Variants in GORAB observed in about 807,000 individuals in gnomAD.
GORAB encodes RAB6-interacting golgin.
Under a neutral mutation model 29.9 loss-of-function variants are expected in GORAB, and 17 were observed. The ratio of observed to expected loss-of-function variants is 0.57; its 90% CI spans 0.39 to 0.85. The LOEUF is 0.85. GORAB is among the 40% of genes least tolerant of loss of function. The pLI is 0.00. For synonymous variants in GORAB, 183 were observed against 157.2 expected, an observed-to-expected ratio of 1.16 and a Z score of -1.23; for missense variants, 442 against 437.8, an observed-to-expected ratio of 1.01 and a Z score of -0.09.
intron 3 of GORAB, among the ~76,000 whole-genome samples, chr1:170,544,256 C>G (rs1261593394): frequency 6.6e-6 from 1 of 152,120 alleles, no homozygotes; most frequent in Admixed American, 6.5e-5. Context: ...AGTGGATGTT[C>G]TCAGATATAT....
intron 4 of GORAB, chr1:170,545,305 C>G: frequency 2.0e-6 from 2 of 980,230 alleles, no homozygotes; most frequent in Non-Finnish European, 2.4e-6. Flanking sequence ...GTAAGAGGAT[C>G]TAGTTTAGTT....
At chr1:170,539,736 A>G (rs919613820) in intron 2 of GORAB, 169 bp downstream of exon 2, 2 of 691,604 alleles carry the variant, frequency 2.9e-6, no homozygotes, top group South Asian at 2.0e-5. Flanking sequence ...CTGCCTAAAT[A>G]TAAGCTGGAC....
rs1650148271 is a variant in GORAB at position 170,552,065 on chromosome 1, T to C, written c.713T>C (p.Ile238Thr). 6 of 1,613,912 alleles carry C rather than the reference T, an allele frequency of 3.7e-6. No homozygotes were observed. The highest frequency in any genetic ancestry group is 1.6e-4 in the Middle Eastern group (1 of 6,082). The change falls in exon 5 of 5, where the codon ATA becomes ACA. Residue 238 changes from isoleucine to threonine, a missense_variant. Transcript: ENST00000367763. ...EAEYIAAKLD[I>T]QRKTEIKEQL... ...GAGTACATTGCAGCAAAGCTAGATA[T>C]ACAGCGCAAGACTGAGATAAAAGAG...
In GORAB at chr1:170,552,404, T is replaced by G. The variant is rs1313490606; in HGVS notation, c.1052T>G (p.Leu351Arg). ...QCGNSSSIPF[L>R]SPNCPNQEGN... ...GGAAATTCCAGTAGCATCCCCTTTC[T>G]TAGTCCAAACTGCCCAAATCAAGAA... The change falls in exon 5 of 5, where the codon CTT becomes CGT. Residue 351 changes from leucine (L) to arginine (R), a missense_variant. By Grantham distance (102) the Leu-to-Arg change is moderately radical. Transcript: ENST00000367763. The G allele has an allele frequency of 8.1e-6, 13 of 1,614,082 alleles. No individual in the cohort carries two copies. The highest frequency in any genetic ancestry group is 2.2e-5 in the East Asian group (1 of 44,880).
chr1:170,541,385 A>G (rs1373685870), intron 2 of GORAB, among the ~76,000 whole-genome samples: 3 of 152,062 alleles, frequency 2.0e-5, no homozygotes, highest in African/African-American at 7.2e-5. Context: ...GGCCGCAATC[A>G]AAATAAAGGT....
At position 170,537,098 on chromosome 1, in the gene GORAB, CCTTT is replaced by C. The variant is rs1649107648; in HGVS notation, c.62-2106_62-2103del. 3.3e-5 allele frequency among the ~76,000 whole-genome samples: 5 copies of C among 152,180 alleles called. No homozygotes were observed. In the South Asian group the frequency reaches 1.0e-3, roughly 32 times the overall value. On this transcript the variant is annotated intron_variant, in intron 1 of 4. Coordinates refer to ENST00000367763, the MANE Select transcript of GORAB (RefSeq NM_152281.3). ...TCCCTCCTTTCTTCCTGCCTGCCTT[CCTTT>C]CTTTCCCTTCTTCCCTCCCTCCCTC...
rs1339574311 is a variant in GORAB at position 170,532,197 on chromosome 1, T to G, written c.-27T>G. ...AGTCGCGGCTGCGAGATTTGGGCAC[T>G]TTTGGGGGTGCCGGTGGCCCGGGCC... is the stretch of plus-strand genomic sequence containing the variant. On this transcript the variant is annotated 5_prime_UTR_variant, in exon 1 of 5. Transcript: ENST00000367763. 1.9e-6 allele frequency: 3 copies of G among 1,613,852 alleles called. No homozygotes were observed. The South Asian group carries it at 3.3e-5, about 18-fold the overall frequency.
chr1:170,547,640 G>A (rs184093917), intron 4 of GORAB, among the ~76,000 whole-genome samples: 202 of 152,264 alleles, frequency 1.3e-3, no homozygotes, highest in African/African-American at 4.8e-3. Context: ...ATCACTTTAT[G>A]AGTAATTTTT....
chr1:170,536,412 A>T (rs1419657566), intron 1 of GORAB: 1 of 152,210 alleles, frequency 6.6e-6, no homozygotes, highest in Non-Finnish European at 1.5e-5. Context: ...CAAATCAAGA[A>T]TACAGTGAGG....
intron 3 of GORAB, 75 bp downstream of exon 3, chr1:170,542,667 T>G (rs1649510352): frequency 1.0e-6 from 1 of 981,982 alleles, no homozygotes; most frequent in Admixed American, 1.7e-5. Context: ...TGTTTTCCCA[T>G]GTCTCTTTTA....
intron 1 of GORAB, among the ~76,000 whole-genome samples, chr1:170,537,355 C>T (rs1649124769): frequency 6.6e-6 from 1 of 152,100 alleles, no homozygotes; most frequent in Non-Finnish European, 1.5e-5. Flanking sequence ...CCTGACCTCT[C>T]TCTTCTCCTT....
At position 170,553,682 on chromosome 1, in the gene GORAB, A is replaced by C; in HGVS notation, c.*1220A>C. The stretch of plus-strand genomic sequence containing the variant: ...TGAGCTTTATATTTTTATATTATGT[A>C]ATTTGAGTTGAAAGTATAACATTTT... On this transcript the variant is annotated 3_prime_UTR_variant, in exon 5 of 5. Coordinates refer to ENST00000367763, the MANE Select transcript of GORAB (RefSeq NM_152281.3). 1 of 450,136 alleles carries C rather than the reference A, an allele frequency of 2.2e-6. No homozygotes were observed. 27.9% of individuals were successfully genotyped at this position (450,136 alleles called of 1,614,324 possible).
chr1:170,543,970 T>C (rs543557540), intron 3 of GORAB, among the ~76,000 whole-genome samples: 20 of 152,312 alleles, frequency 1.3e-4, no homozygotes, highest in Non-Finnish European at 2.5e-4. Flanking sequence ...ATGTGGGGAT[T>C]TTTCTTCTTC....
At chr1:170,547,829 A>G (rs1325326585) in intron 4 of GORAB, among the ~76,000 whole-genome samples, 2 of 152,212 alleles carry the variant, frequency 1.3e-5, no homozygotes, top group Non-Finnish European at 1.5e-5. Flanking sequence ...TATTGGGTGT[A>G]TGTTCTCCCT....
At chr1:170,534,280 C>G (rs1284640690) in intron 1 of GORAB, among the ~76,000 whole-genome samples, 5 of 152,154 alleles carry the variant, frequency 3.3e-5, no homozygotes, top group African/African-American at 7.2e-5. Context: ...TGTAGTTACA[C>G]TTGGCCCTTG....
chr1:170,546,263 G>A (rs1410746438), intron 4 of GORAB, among the ~76,000 whole-genome samples: 4 of 151,978 alleles, frequency 2.6e-5, no homozygotes, highest in Non-Finnish European at 4.4e-5. Flanking sequence ...GGTGGTGGGC[G>A]CCTATAGTCC....
chr1:170,532,551 G>A, intron 1 of GORAB: 1 of 452,618 alleles, frequency 2.2e-6, no homozygotes, highest in Non-Finnish European at 4.1e-6. Flanking sequence ...AAAGGAATGG[G>A]ACTTGGGAGA....
chr1:170,542,659 T>C, intron 3 of GORAB, 67 bp downstream of exon 3: 1 of 1,020,062 alleles, frequency 9.8e-7, no homozygotes, highest in South Asian at 1.3e-5. Flanking sequence ...GTTATATTTG[T>C]TTTCCCATGT....
At chr1:170,548,235 G>C (rs983932912) in intron 4 of GORAB, among the ~76,000 whole-genome samples, 1 of 152,220 alleles carries the variant, frequency 6.6e-6, no homozygotes, top group African/African-American at 2.4e-5. Context: ...ATGCCATTCT[G>C]TGCCTCCATA....
Sources: gnomAD v4.1 joint callset for allele counts (sites outside exome capture counted in the v4.1 genomes callset) on GRCh38, gnomAD v4.1.1 for gene constraint, MANE v1.5 for transcripts, NCBI Gene and HGNC (gene_info 2026-07-23, HGNC 2026-07-21) for gene names.